Variants in ZNF562 observed in about 807,000 individuals in gnomAD.
ZNF562 encodes the protein zinc finger protein 562.
A neutral mutation model predicts 17.5 loss-of-function variants in ZNF562; 13 were observed. That is an observed-to-expected ratio of 0.74 (90% CI 0.48 to 1.18). ZNF562 has a LOEUF of 1.18. Ranked by LOEUF, ZNF562 falls within the 50% of genes most tolerant of loss-of-function variation. The pLI is 0.00. For missense variants in ZNF562, 481 were observed against 498.5 expected (o/e 0.96, Z 0.33); for synonymous variants, 163 against 165.4 (o/e 0.99, Z 0.11).
intron 2 of ZNF562, 144 bp downstream of exon 2, chr19:9,660,576 A>T (rs2043697579): frequency 1.3e-6 from 1 of 755,004 alleles, no homozygotes. Flanking sequence ...ATTGCACTTC[A>T]GCCTGGGCAA....
intron 1 of ZNF562, among the ~76,000 whole-genome samples, chr19:9,668,418 G>A (rs938105875): frequency 2.0e-4 from 30 of 151,846 alleles, no homozygotes; most frequent in Non-Finnish European, 4.4e-5. Context: ...AAAATGTGAA[G>A]GAGCTATACA....
intron 1 of ZNF562, among the ~76,000 whole-genome samples, chr19:9,669,734 GCACA>G (rs71188835): frequency 0.024 from 2,586 of 109,156 alleles, 34 homozygotes; most frequent in Non-Finnish European, 0.035. Flanking sequence ...GCGCGCGCGC[GCACA>G]CACACACACA....
intron 2 of ZNF562, among the ~76,000 whole-genome samples, chr19:9,659,971 A>C (rs1160374971): frequency 5.6e-5 from 7 of 125,894 alleles, no homozygotes; most frequent in Non-Finnish European, 9.7e-5. Context: ...AAAAAAAAAA[A>C]AAAAAAACTA....
rs2044357137 is a variant in ZNF562 at position 9,675,010 on chromosome 19, C to T, written c.-131+5G>A. On this transcript the variant is annotated splice_donor_5th_base_variant and intron_variant, in intron 1 of 5. Transcript: ENST00000453372. ...GTCCCGGACCCCCAAGCAGGTAGAA[C>T]TCACCACAGCGGGGTGGACTCCACC... 7.3e-6 allele frequency: 1 copy of T among 137,204 alleles called. No individual in the cohort carries two copies. The highest frequency in any genetic ancestry group is 1.5e-5 in the Non-Finnish European group (1 of 65,978). The allele number at this position is 137,204 out of a possible 1,614,324, so 8.5% of individuals were successfully genotyped here.
chr19:9,655,717 CTTTTTTTTTT>C (rs58199071), intron 5 of ZNF562, among the ~76,000 whole-genome samples: 18 of 48,692 alleles, frequency 3.7e-4, no homozygotes, highest in Admixed American at 6.8e-4. Flanking sequence ...TCTTTTCTTT[CTTTTTTTTTT>C]TTTTTTTTTT....
chr19:9,664,280 G>A (rs938839217), intron 1 of ZNF562, among the ~76,000 whole-genome samples: 1 of 152,162 alleles, frequency 6.6e-6, no homozygotes, highest in Non-Finnish European at 1.5e-5. Context: ...CGTTGGTCTG[G>A]ATGGTCTGGA....
chr19:9,670,401 T>A (rs567053133), intron 1 of ZNF562, among the ~76,000 whole-genome samples: 2 of 152,120 alleles, frequency 1.3e-5, no homozygotes, highest in Admixed American at 6.5e-5. Flanking sequence ...GCAGCACTAC[T>A]CATAATAGCC....
At chr19:9,655,897 T>G (rs2043464863) in intron 5 of ZNF562, among the ~76,000 whole-genome samples, 2 of 151,862 alleles carry the variant, frequency 1.3e-5, no homozygotes, top group Middle Eastern at 6.8e-3. Context: ...CACACACAGC[T>G]AATTTTGTAT....
At chr19:9,654,111 C>G (rs1239649928) in intron 5 of ZNF562, among the ~76,000 whole-genome samples, 1 of 151,966 alleles carries the variant, frequency 6.6e-6, no homozygotes, top group African/African-American at 2.4e-5. Flanking sequence ...CTGCCTCAGC[C>G]TCCCGAGTAG....
rs2074876064 is a variant in ZNF562 at position 9,652,145 on chromosome 19, G to A, written c.*804C>T. On this transcript the variant is annotated 3_prime_UTR_variant, in exon 6 of 6. Transcript: ENST00000453372. The stretch of plus-strand genomic sequence containing the variant: ...ATATCAGCCATCTTAACAGAAGTGA[G>A]AAGAGAGACTGGATTATACTATAAG... The A allele has an allele frequency of 6.6e-6, 1 of 152,222 alleles. No individual in the cohort carries two copies. Among genetic ancestry groups the A allele is most frequent in the Non-Finnish European group, 1.5e-5 (1 of 68,052 alleles). 9.4% of individuals were successfully genotyped at this position (152,222 alleles called of 1,614,324 possible).
At chr19:9,670,391 G>A (rs1023090769) in intron 1 of ZNF562, among the ~76,000 whole-genome samples, 20 of 152,046 alleles carry the variant, frequency 1.3e-4, no homozygotes, top group South Asian at 4.1e-4. Context: ...CTTGTTTACC[G>A]CAGCACTACT....
At chr19:9,671,614 G>A (rs1312157211) in intron 1 of ZNF562, among the ~76,000 whole-genome samples, 1 of 152,206 alleles carries the variant, frequency 6.6e-6, no homozygotes, top group Non-Finnish European at 1.5e-5. Flanking sequence ...AGTTTCAACT[G>A]TAGACAAGAG....
In ZNF562 at chr19:9,645,802, CTTAG is replaced by C. The variant is rs2074802143; in HGVS notation, c.*7143_*7146del. The C allele has an allele frequency of 6.6e-6, 1 of 152,050 alleles. No homozygotes were observed. Among genetic ancestry groups the C allele is most frequent in the African/African-American group, 2.4e-5 (1 of 41,406 alleles). 9.4% of individuals were successfully genotyped at this position (152,050 alleles called of 1,614,324 possible). On this transcript the variant is annotated 3_prime_UTR_variant, in exon 6 of 6. Transcript: ENST00000453372. ...CACTTTATTCAAACAGTGTAGTGCACTTAGTTAGAAAGAAAAGGTATTAAGGAAG... is the reference window on the plus strand; with the variant it reads ...CACTTTATTCAAACAGTGTAGTGCACTTAGAAAGAAAAGGTATTAAGGAAG...
intron 1 of ZNF562, among the ~76,000 whole-genome samples, chr19:9,669,513 T>C (rs2044066643): frequency 6.6e-6 from 1 of 152,038 alleles, no homozygotes; most frequent in Non-Finnish European, 1.5e-5. Flanking sequence ...GGTGGGAATA[T>C]AAATTAGTAC....
At chr19:9,669,178 T>C (rs1465761501) in intron 1 of ZNF562, among the ~76,000 whole-genome samples, 1 of 151,852 alleles carries the variant, frequency 6.6e-6, no homozygotes, top group African/African-American at 2.4e-5. Flanking sequence ...GAAGAAACAA[T>C]CTACAGTATG....
At chr19:9,668,473 GA>G (rs1298541876) in intron 1 of ZNF562, among the ~76,000 whole-genome samples, 1 of 151,514 alleles carries the variant, frequency 6.6e-6, no homozygotes, top group Admixed American at 6.6e-5. Flanking sequence ...AGAGAATACA[GA>G]AAAAAAATGG....
intron 1 of ZNF562, among the ~76,000 whole-genome samples, chr19:9,669,777 A>ACACAG (rs2044113600): frequency 1.1e-5 from 1 of 88,696 alleles, no homozygotes; most frequent in South Asian, 4.8e-4. Context: ...CACACACACA[A>ACACAG]CCAGTCAGGG....
Position 9,653,715 on chromosome 19 carries a change from C to A in ZNF562, c.515G>T (p.Gly172Val), listed in dbSNP as rs150217995. The change falls in exon 6 of 6, where the codon GGA (glycine) becomes GTA (valine). Residue 172 changes from glycine (G) to valine (V), a missense_variant. Physicochemically the swap from Gly to Val is moderately radical, Grantham distance 109. Around this residue, in one of 2 missense-constraint regions of ZNF562, gnomAD observed 403 missense variants for 386.4 expected, o/e 1.04. Coordinates refer to ENST00000453372, the MANE Select transcript of ZNF562 (RefSeq NM_001130031.2). Reference protein sequence around the residue: ...SISVHKEASIGQELSKFNPCG... With the variant: ...SISVHKEASIVQELSKFNPCG... Reference sequence around the variant, plus strand: ...TGGATTAAATTTGGAAAGTTCTTGTCCAATAGAGGCTTCCTTGTGCACACT... The same window carrying A: ...TGGATTAAATTTGGAAAGTTCTTGTACAATAGAGGCTTCCTTGTGCACACT... 84 of 1,614,064 alleles carry A rather than the reference C, an allele frequency of 5.2e-5. No homozygotes were observed. The East Asian group carries it at 1.8e-3, about 35-fold the overall frequency.
At chr19:9,670,552 T>C (rs1202826441) in intron 1 of ZNF562, among the ~76,000 whole-genome samples, 1 of 152,142 alleles carries the variant, frequency 6.6e-6, no homozygotes, top group Non-Finnish European at 1.5e-5. Flanking sequence ...CTGGAGGTCA[T>C]CATGGAAGTG....
Sources: allele counts gnomAD v4.1 joint callset (sites outside exome capture counted in the v4.1 genomes callset), GRCh38; gene constraint gnomAD v4.1.1; regional missense constraint gnomAD v4.1.1; transcripts MANE v1.5; gene names NCBI Gene and HGNC (gene_info 2026-07-23, HGNC 2026-07-21).